The following TMEM117 variants were observed in gnomAD, a reference collection of about 807,000 sequenced individuals.
The protein encoded by TMEM117 is transmembrane protein 117.
Under a neutral mutation model 52.4 loss-of-function variants are expected in TMEM117, and 27 were observed. The ratio of observed to expected loss-of-function variants is 0.51; its 90% CI spans 0.38 to 0.71. TMEM117 has a LOEUF of 0.71. Ranked by LOEUF, TMEM117 falls within the 30% of genes least tolerant of loss-of-function variation. The pLI is 0.00. For synonymous variants in TMEM117, 215 were observed against 206.3 expected, an observed-to-expected ratio of 1.04 and a Z score of -0.36; for missense variants, 556 against 630.5, an observed-to-expected ratio of 0.88 and a Z score of 1.26.
intron 3 of TMEM117, among the ~76,000 whole-genome samples, chr12:43,956,866 C>T (rs1202725763): frequency 6.6e-6 from 1 of 152,142 alleles, no homozygotes; most frequent in Non-Finnish European, 1.5e-5. Context: ...ATGTTCATTG[C>T]AGCACTATTT....
chr12:44,220,111 G>T (rs1204340849), intron 5 of TMEM117, among the ~76,000 whole-genome samples: 1 of 152,128 alleles, frequency 6.6e-6, no homozygotes, highest in South Asian at 2.1e-4. Context: ...ACTAATGTAG[G>T]TATCTTTAGA....
At chr12:43,942,974 C>T (rs1055329581) in intron 2 of TMEM117, among the ~76,000 whole-genome samples, 1 of 151,616 alleles carries the variant, frequency 6.6e-6, no homozygotes, top group Non-Finnish European at 1.5e-5. Flanking sequence ...GTCAGGAGAT[C>T]GAGACCATCT....
At chr12:44,002,376 G>C (rs1027895161) in intron 3 of TMEM117, among the ~76,000 whole-genome samples, 2 of 114,506 alleles carry the variant, frequency 1.7e-5, no homozygotes, top group Admixed American at 2.0e-4. Context: ...CCCCTTTAGG[G>C]ATGAGATCTT....
At chr12:44,374,732 A>G (rs920156118) in intron 6 of TMEM117, among the ~76,000 whole-genome samples, 1 of 151,916 alleles carries the variant, frequency 6.6e-6, no homozygotes, top group African/African-American at 2.4e-5. Flanking sequence ...CCAATTTCAT[A>G]CCCAATAGAA....
intron 4 of TMEM117, among the ~76,000 whole-genome samples, chr12:44,175,489 G>T (rs536859353): frequency 2.6e-4 from 39 of 152,244 alleles, no homozygotes; most frequent in Admixed American, 9.2e-4. Flanking sequence ...GTCAAATAAG[G>T]GGTGAACTAG....
At chr12:44,069,537 G>A (rs1206508761) in intron 3 of TMEM117, among the ~76,000 whole-genome samples, 2 of 152,196 alleles carry the variant, frequency 1.3e-5, no homozygotes, top group Non-Finnish European at 2.9e-5. Context: ...AATGGACCAC[G>A]TCTGGGAAGA....
intron 5 of TMEM117, among the ~76,000 whole-genome samples, chr12:44,245,305 CTA>C (rs958675835): frequency 2.6e-5 from 4 of 151,508 alleles, no homozygotes; most frequent in African/African-American, 9.7e-5. Flanking sequence ...GAAATTATAA[CTA>C]TGTTAATTAT....
At chr12:44,154,335 C>T (rs893399965) in intron 4 of TMEM117, among the ~76,000 whole-genome samples, 5 of 152,024 alleles carry the variant, frequency 3.3e-5, no homozygotes, top group African/African-American at 7.2e-5. Flanking sequence ...TAGGACACCA[C>T]GTGGGCCGTG....
chr12:44,146,086 G>A (rs1239830725), intron 4 of TMEM117, among the ~76,000 whole-genome samples: 1 of 151,996 alleles, frequency 6.6e-6, no homozygotes, highest in African/African-American at 2.4e-5. Flanking sequence ...AATTGCTGCA[G>A]CACCCTTAGG....
At chr12:44,364,743 T>C (rs1951767312) in intron 6 of TMEM117, among the ~76,000 whole-genome samples, 1 of 152,124 alleles carries the variant, frequency 6.6e-6, no homozygotes, top group Non-Finnish European at 1.5e-5. Context: ...CAAAAAATGT[T>C]ATTGTTACCC....
At chr12:44,221,388 C>T (rs1322769602) in intron 5 of TMEM117, among the ~76,000 whole-genome samples, 1 of 152,194 alleles carries the variant, frequency 6.6e-6, no homozygotes, top group Non-Finnish European at 1.5e-5. Context: ...GTAGCAACCA[C>T]TCTCTTATAG....
chr12:43,817,420 T>A, the TMEM117 span, among the ~76,000 whole-genome samples: 2 of 152,238 alleles, frequency 1.3e-5, no homozygotes, highest in Non-Finnish European at 2.9e-5. Context: ...TTTATTTCCA[T>A]TTGGAGTCCT....
In TMEM117 at chr12:44,042,249, T is replaced by G. The variant is rs1411501281; in HGVS notation, c.410+97907T>G. 5.3e-5 allele frequency among the ~76,000 whole-genome samples: 8 copies of G among 152,306 alleles called. No homozygotes were observed. The East Asian group carries it at 1.5e-3, about 29-fold the overall frequency. ...TTTATCCTATTCATTTTTTTCATGT[T>G]TGATAATTACAGTTTTCAGTGTCTG... On this transcript the variant is annotated intron_variant, in intron 3 of 7. Coordinates refer to ENST00000266534, the MANE Select transcript of TMEM117 (RefSeq NM_032256.3).
At chr12:44,372,458 C>G (rs1447733240) in intron 6 of TMEM117, among the ~76,000 whole-genome samples, 2 of 152,112 alleles carry the variant, frequency 1.3e-5, no homozygotes, top group Admixed American at 1.3e-4. Flanking sequence ...ATGAATCACC[C>G]ATTAGTCAAA....
chr12:43,809,357 A>T, the TMEM117 span, among the ~76,000 whole-genome samples: 4 of 152,240 alleles, frequency 2.6e-5, no homozygotes, highest in Admixed American at 2.6e-4. Context: ...AAAAACACAT[A>T]GAAGTTGTAT....
At chr12:44,248,579 ATGTGGCACATG>A (rs1950159569) in intron 5 of TMEM117, 1 of 155,910 alleles carries the variant, frequency 6.4e-6, no homozygotes, top group South Asian at 2.0e-4. Context: ...GCGCTGGCAG[ATGTGGCACATG>A]TGGGCTAGGG....
intron 6 of TMEM117, among the ~76,000 whole-genome samples, chr12:44,341,817 A>C (rs913825814): frequency 2.0e-5 from 3 of 152,180 alleles, no homozygotes; most frequent in African/African-American, 7.2e-5. Flanking sequence ...GTCAGTAAAC[A>C]TATTAGCCAT....
chr12:44,118,762 A>G (rs1245804959), intron 3 of TMEM117, among the ~76,000 whole-genome samples: 1 of 152,064 alleles, frequency 6.6e-6, no homozygotes, highest in African/African-American at 2.4e-5. Flanking sequence ...CAGGCAGGGT[A>G]TTTTTTCACT....
chr12:44,127,918 G>T (rs977268423), intron 3 of TMEM117, among the ~76,000 whole-genome samples: 11 of 152,162 alleles, frequency 7.2e-5, no homozygotes, highest in African/African-American at 2.4e-4. Context: ...CTGTCTGTCT[G>T]TCTATCTATC....
Sources: allele counts gnomAD v4.1 joint callset (sites outside exome capture counted in the v4.1 genomes callset), GRCh38; gene constraint gnomAD v4.1.1; transcripts MANE v1.5; gene names NCBI Gene and HGNC (gene_info 2026-07-23, HGNC 2026-07-21).